Variants in TFEC observed in about 807,000 individuals in gnomAD.
TFEC encodes class E basic helix-loop-helix protein 34.
TFEC carries 31 observed loss-of-function variants against 41.6 expected under a neutral mutation model. That is an observed-to-expected ratio of 0.74 (90% confidence interval 0.56 to 1.01). TFEC has a LOEUF of 1.01. Among genes scored for constraint, TFEC ranks in the 50% least tolerant of loss-of-function variants. TFEC has a pLI of 0.00. For synonymous variants in TFEC, 143 were observed against 140.6 expected (o/e 1.02, Z -0.12); for missense variants, 402 against 404.1 (o/e 0.99, Z 0.04).
At chr7:116,133,030 A>G (rs1476579747) in intron 1 of TFEC, among the ~76,000 whole-genome samples, 2 of 152,232 alleles carry the variant, frequency 1.3e-5, no homozygotes, top group Non-Finnish European at 2.9e-5. Context: ...ACTACTTTAG[A>G]AAATAAATTA....
intron 1 of TFEC, among the ~76,000 whole-genome samples, chr7:116,014,352 A>G (rs1166573595): frequency 6.6e-6 from 1 of 152,098 alleles, no homozygotes; most frequent in Non-Finnish European, 1.5e-5. Context: ...TGTGTCAAAT[A>G]CTTTTGAGAG....
chr7:115,950,869 C>A lies in TFEC; in HGVS notation c.515+5G>T. 6.3e-7 allele frequency: 1 copy of A among 1,594,014 alleles called. No homozygotes were observed. Among genetic ancestry groups the A allele is most frequent in the East Asian group, 2.3e-5 (1 of 44,410 alleles). ...CATTATTATAGAAATGATTGTTGAA[C>A]TCACGGATCATTAGACTTTGGAATA... On this transcript the variant is annotated splice_donor_5th_base_variant and intron_variant, in intron 6 of 7. Transcript: ENST00000265440.
At chr7:116,031,993 ATACTT>A (rs1475815832), upstream of TFEC, among the ~76,000 whole-genome samples, 1 of 152,130 alleles carries the variant, frequency 6.6e-6, no homozygotes, top group Non-Finnish European at 1.5e-5. Flanking sequence ...TCATTAGAAA[ATACTT>A]TAGATTGAAT....
rs978517770 is a variant in TFEC at position 115,952,225 on chromosome 7, T to C, written c.440-1276A>G. Among the ~76,000 whole-genome samples the C allele has an allele frequency of 9.2e-5, 14 of 151,938 alleles. 1 individual carries two copies. The highest frequency in any genetic ancestry group is 2.1e-4 in the Non-Finnish European group (14 of 67,960). ...ATAATTGGTTCTGGTAAGAGTTTAT[T>C]TTCCCTCTTCACCAATCCTATTTCC... On this transcript the variant is annotated intron_variant, in intron 5 of 7. Transcript: ENST00000265440.
At chr7:116,062,602 A>G (rs1796595167) in intron 3 of TFEC, among the ~76,000 whole-genome samples, 1 of 78,072 alleles carries the variant, frequency 1.3e-5, no homozygotes, top group Admixed American at 1.4e-4. Flanking sequence ...TATATATATC[A>G]CATTTTTTTA....
rs534775115 is a variant in TFEC at position 116,153,041 on chromosome 7, A to G, written c.-69+6749T>C. On this transcript the variant is annotated intron_variant, in intron 1 of 8. Transcript: ENST00000484212. ...AGCATGTTGAGGCGAGCCACGAAAG[A>G]TATTTTTAAAACCTAAATCTAAGTT... Among the ~76,000 whole-genome samples, 10 of 152,316 alleles carry G rather than the reference A, an allele frequency of 6.6e-5. No homozygotes were observed. In the South Asian group the frequency reaches 8.3e-4, roughly 13 times the overall value.
At chr7:116,045,185 T>C (rs1273152944) in intron 3 of TFEC, among the ~76,000 whole-genome samples, 2 of 152,212 alleles carry the variant, frequency 1.3e-5, no homozygotes, top group African/African-American at 2.4e-5. Context: ...GTTGACCAAA[T>C]GCCTGATAAC....
intron 1 of TFEC, among the ~76,000 whole-genome samples, chr7:115,992,828 G>C (rs1794185348): frequency 6.6e-6 from 1 of 152,182 alleles, no homozygotes; most frequent in South Asian, 2.1e-4. Context: ...AATAGAAAAA[G>C]AGGGAATCCT....
chr7:115,942,520 C>T (rs1335494319), intron 6 of TFEC, among the ~76,000 whole-genome samples: 1 of 151,940 alleles, frequency 6.6e-6, no homozygotes, highest in Non-Finnish European at 1.5e-5. Context: ...AAAGTCCCTC[C>T]TGAATGGTGA....
intron 3 of TFEC, among the ~76,000 whole-genome samples, chr7:115,962,055 AC>A (rs1792583908): frequency 6.6e-6 from 1 of 151,764 alleles, no homozygotes; most frequent in Non-Finnish European, 1.5e-5. Flanking sequence ...TGAACCATGA[AC>A]AAACTGAAAA....
rs368651166 is a variant in TFEC at position 115,984,501 on chromosome 7, G to C, written c.-60C>G. The stretch of plus-strand genomic sequence containing the variant: ...AGCTGAGGCCTTGCAGAACTTTCCA[G>C]GTGTGCTGGGACCTACAAGATCAAA... On this transcript the variant is annotated 5_prime_UTR_variant, in exon 2 of 8. Transcript: ENST00000265440. The C allele has an allele frequency of 1.2e-6, 2 of 1,613,850 alleles. No homozygotes were observed. Among genetic ancestry groups the C allele is most frequent in the Non-Finnish European group, 8.5e-7 (1 of 1,179,876 alleles).
intron 3 of TFEC, among the ~76,000 whole-genome samples, chr7:116,107,934 T>C (rs1584525534): frequency 6.6e-6 from 1 of 152,186 alleles, no homozygotes; most frequent in Admixed American, 6.5e-5. Context: ...GCATGATGCT[T>C]GTCCCATAGC....
At chr7:116,032,758 A>T (rs146140435), upstream of TFEC, among the ~76,000 whole-genome samples, 4 of 152,146 alleles carry the variant, frequency 2.6e-5, no homozygotes, top group East Asian at 7.7e-4. Flanking sequence ...GGGTGACAAA[A>T]TAATCTGTAC....
chr7:115,941,042 A>C, intron 7 of TFEC, 111 bp from the exon 8 acceptor site: 1 of 963,194 alleles, frequency 1.0e-6, no homozygotes. Context: ...AATGAAGAGT[A>C]ATACAATACA....
intron 3 of TFEC, among the ~76,000 whole-genome samples, chr7:116,092,951 G>T (rs571624808): frequency 6.6e-6 from 1 of 152,198 alleles, no homozygotes; most frequent in East Asian, 1.9e-4. Flanking sequence ...TTAACAAAAG[G>T]CCCCAATAAG....
chr7:115,954,500 C>A (rs1792112973), intron 5 of TFEC, 86 bp downstream of exon 5: 2 of 1,106,442 alleles, frequency 1.8e-6, no homozygotes, highest in Non-Finnish European at 2.6e-6. Context: ...CATGAAAATA[C>A]TTATGGAGTA....
At chr7:116,125,034 A>T (rs190035209) in intron 1 of TFEC, among the ~76,000 whole-genome samples, 54 of 152,340 alleles carry the variant, frequency 3.5e-4, no homozygotes, top group African/African-American at 1.3e-3. Flanking sequence ...TACTTCAACA[A>T]ATACTGAAGG....
chr7:116,052,075 T>C (rs1030676669), intron 3 of TFEC, among the ~76,000 whole-genome samples: 8 of 150,764 alleles, frequency 5.3e-5, no homozygotes, highest in African/African-American at 2.0e-4. Context: ...CTACTAGATA[T>C]CCATCAGACA....
At chr7:116,009,388 C>T (rs1261329082) in intron 1 of TFEC, among the ~76,000 whole-genome samples, 1 of 152,084 alleles carries the variant, frequency 6.6e-6, no homozygotes, top group Non-Finnish European at 1.5e-5. Context: ...TAATGTGAAA[C>T]ATTCAGAAAA....
Sources: gnomAD v4.1 joint callset for allele counts (sites outside exome capture counted in the v4.1 genomes callset) on GRCh38, gnomAD v4.1.1 for gene constraint, MANE v1.5 for transcripts, NCBI Gene and HGNC (gene_info 2026-07-23, HGNC 2026-07-21) for gene names.